Variants in TBC1D22A observed in about 807,000 individuals in gnomAD.
The protein encoded by TBC1D22A is TBC1 domain family member 22A.
In TBC1D22A, 38 loss-of-function variants were observed where a neutral mutation model predicts 60.2. That is an observed-to-expected ratio of 0.63 (90% confidence interval 0.49 to 0.83). The LOEUF (loss-of-function observed/expected upper bound fraction) is 0.83. Among genes scored for constraint, TBC1D22A ranks in the 40% least tolerant of loss-of-function variants. The pLI, the probability that TBC1D22A is intolerant of heterozygous loss-of-function variation, is 0.00. For synonymous variants in TBC1D22A, 302 were observed against 281.7 expected (o/e 1.07, Z -0.72); for missense variants, 628 against 701.0 (o/e 0.90, Z 1.18).
chr22:46,799,155 G>A (rs1307919657), intron 4 of TBC1D22A, among the ~76,000 whole-genome samples: 1 of 152,070 alleles, frequency 6.6e-6, no homozygotes, highest in Non-Finnish European at 1.5e-5. Context: ...CACAGCTCGA[G>A]GTGTCTCCTT....
rs181394330 is a variant in TBC1D22A, at chr22:46,794,796, G to A, written c.460+955G>A. On this transcript the variant is annotated intron_variant, in intron 3 of 12. Coordinates refer to ENST00000337137, the MANE Select transcript of TBC1D22A (RefSeq NM_014346.5). The stretch of plus-strand genomic sequence containing the variant: ...GGGAGGTCAGGGTGTCTTCGTGTCA[G>A]TGGTGCTGTTGGGAGGCAGGGGGTG... Among the ~76,000 whole-genome samples, 520 of 152,322 alleles carry A rather than the reference G, an allele frequency of 3.4e-3. 2 individuals are homozygous for A. Among genetic ancestry groups the A allele is most frequent in the African/African-American group, 0.012 (498 of 41,576 alleles).
At chr22:47,148,006 C>G (rs566828891) in intron 12 of TBC1D22A, among the ~76,000 whole-genome samples, 1 of 152,208 alleles carries the variant, frequency 6.6e-6, no homozygotes, top group Non-Finnish European at 1.5e-5. Flanking sequence ...CCTCCTAGGA[C>G]AGTGCCAGGG....
chr22:47,029,888 G>C (rs7290113), intron 10 of TBC1D22A, among the ~76,000 whole-genome samples: 6 of 152,218 alleles, frequency 3.9e-5, no homozygotes, highest in African/African-American at 1.4e-4. Flanking sequence ...GGCCTGGGCC[G>C]GGGCTGCTGC....
At chr22:47,150,323 G>A (rs1395969241) in intron 12 of TBC1D22A, among the ~76,000 whole-genome samples, 5 of 152,150 alleles carry the variant, frequency 3.3e-5, no homozygotes, top group African/African-American at 2.4e-5. Flanking sequence ...ACTCACAGTG[G>A]GGTGGCGAGG....
intron 10 of TBC1D22A, among the ~76,000 whole-genome samples, chr22:47,004,145 CATACACACTCCT>C (rs1238808839): frequency 6.7e-6 from 1 of 149,920 alleles, no homozygotes; most frequent in Non-Finnish European, 1.5e-5. Context: ...GCTATATACA[CATACACACTCCT>C]ATACACACAC....
intron 12 of TBC1D22A, among the ~76,000 whole-genome samples, chr22:47,147,773 G>T (rs1007454726): frequency 1.3e-5 from 2 of 152,244 alleles, no homozygotes; most frequent in Non-Finnish European, 2.9e-5. Flanking sequence ...TGGCCTGGCT[G>T]CACTGTCTGC....
intron 9 of TBC1D22A, among the ~76,000 whole-genome samples, chr22:46,978,879 G>A (rs191947464): frequency 1.4e-4 from 22 of 152,282 alleles, no homozygotes; most frequent in African/African-American, 5.1e-4. Context: ...AAAGTGCTGC[G>A]ATTACAGGTA....
intron 11 of TBC1D22A, among the ~76,000 whole-genome samples, chr22:47,054,745 G>C (rs1370685781): frequency 6.6e-6 from 1 of 152,244 alleles, no homozygotes; most frequent in Non-Finnish European, 1.5e-5. Context: ...AGTGAGGGCT[G>C]TTCCTGGGCA....
intron 12 of TBC1D22A, among the ~76,000 whole-genome samples, chr22:47,159,323 A>ACACACAC (rs2067862569): frequency 2.6e-5 from 2 of 77,368 alleles, no homozygotes; most frequent in Non-Finnish European, 5.4e-5. Flanking sequence ...ACATACACAC[A>ACACACAC]CATGTATACA....
rs929851702 is a variant in TBC1D22A at position 47,110,760 on chromosome 22, G to A, written c.1330-748G>A. On this transcript the variant is annotated intron_variant, in intron 11 of 12. Transcript: ENST00000337137. ...AGCACCCCAAGAACTGGAGTTTGGG[G>A]AACCCTCAGTCTTTGCAGTTGGCCG... is the stretch of plus-strand genomic sequence containing the variant. Among the ~76,000 whole-genome samples the A allele has an allele frequency of 9.8e-5, 15 of 152,344 alleles. No homozygotes were observed. The South Asian group carries it at 2.1e-3, about 21-fold the overall frequency.
At chr22:46,855,711 C>T (rs1003446723) in intron 4 of TBC1D22A, among the ~76,000 whole-genome samples, 8 of 152,104 alleles carry the variant, frequency 5.3e-5, no homozygotes, top group South Asian at 2.1e-4. Context: ...CAGGCCTGAC[C>T]GTGCCGTGTG....
At chr22:46,818,127 C>T (rs893515285) in intron 4 of TBC1D22A, among the ~76,000 whole-genome samples, 2 of 152,084 alleles carry the variant, frequency 1.3e-5, no homozygotes, top group African/African-American at 4.8e-5. Flanking sequence ...AATTTAAGTT[C>T]CTTGTAGATT....
intron 4 of TBC1D22A, among the ~76,000 whole-genome samples, chr22:46,806,761 A>C (rs1238092470): frequency 6.6e-6 from 1 of 152,184 alleles, no homozygotes; most frequent in Non-Finnish European, 1.5e-5. Context: ...CTGAGGACAG[A>C]GTGATGGGAG....
At chr22:46,816,287 C>T (rs1224040878) in intron 4 of TBC1D22A, among the ~76,000 whole-genome samples, 6 of 152,048 alleles carry the variant, frequency 3.9e-5, no homozygotes, top group South Asian at 2.1e-4. Flanking sequence ...ATCACAGGGG[C>T]GGGATTGGGC....
intron 4 of TBC1D22A, among the ~76,000 whole-genome samples, chr22:46,812,704 C>T (rs943239792): frequency 2.0e-5 from 3 of 152,236 alleles, no homozygotes; most frequent in African/African-American, 7.2e-5. Flanking sequence ...GTTGAAGATG[C>T]AGCCAGGTAA....
intron 4 of TBC1D22A, among the ~76,000 whole-genome samples, chr22:46,869,603 C>A (rs2067214248): frequency 6.6e-6 from 1 of 152,186 alleles, no homozygotes; most frequent in Non-Finnish European, 1.5e-5. Flanking sequence ...TGAGGCTCCC[C>A]TGTGTGTGGC....
chr22:46,864,394 A>G (rs943923413), intron 4 of TBC1D22A, among the ~76,000 whole-genome samples: 1 of 152,200 alleles, frequency 6.6e-6, no homozygotes, highest in African/African-American at 2.4e-5. Context: ...CAAAAGGCTC[A>G]TTTAACTCTA....
chr22:46,857,327 G>C (rs918276240), intron 4 of TBC1D22A, among the ~76,000 whole-genome samples: 1 of 152,200 alleles, frequency 6.6e-6, no homozygotes, highest in African/African-American at 2.4e-5. Context: ...GGGTGGGGCT[G>C]GTCAGCCCTC....
chr22:46,993,495 A>G (rs760212000), intron 9 of TBC1D22A, among the ~76,000 whole-genome samples: 1 of 152,242 alleles, frequency 6.6e-6, no homozygotes, highest in African/African-American at 2.4e-5. Flanking sequence ...TGACATTTTT[A>G]TAAGTGTAGA....
Sources: allele counts gnomAD v4.1 joint callset (sites outside exome capture counted in the v4.1 genomes callset), GRCh38; gene constraint gnomAD v4.1.1; transcripts MANE v1.5; gene names NCBI Gene and HGNC (gene_info 2026-07-23, HGNC 2026-07-21).